Variants in FAM78B observed in about 807,000 individuals in gnomAD.
FAM78B encodes the protein protein FAM78B.
Under a neutral mutation model 20.0 loss-of-function variants are expected in FAM78B, and 10 were observed. The ratio of observed to expected loss-of-function variants is 0.50; its 90% confidence interval spans 0.31 to 0.85. FAM78B has a LOEUF of 0.85. Among genes scored for constraint, FAM78B ranks in the 40% least tolerant of loss-of-function variants. FAM78B has a pLI of 0.05. For synonymous variants in FAM78B, 135 were observed against 132.8 expected, an observed-to-expected ratio of 1.02 and a Z score of -0.12; for missense variants, 283 against 345.0, an observed-to-expected ratio of 0.82 and a Z score of 1.42.
chr1:166,146,141 A>C (rs1655443666), intron 1 of FAM78B, among the ~76,000 whole-genome samples: 1 of 152,232 alleles, frequency 6.6e-6, no homozygotes, highest in Admixed American at 6.5e-5. Flanking sequence ...TGAAAGGTCC[A>C]GAATCTTCCC....
chr1:166,093,805 G>C (rs955667352), intron 1 of FAM78B, among the ~76,000 whole-genome samples: 3 of 151,844 alleles, frequency 2.0e-5, no homozygotes, highest in Non-Finnish European at 2.9e-5. Context: ...TTGGGCTCTG[G>C]TGGTAAGGCA....
intron 1 of FAM78B, among the ~76,000 whole-genome samples, chr1:166,145,394 G>A (rs1199824723): frequency 6.6e-6 from 1 of 152,196 alleles, no homozygotes; most frequent in African/African-American, 2.4e-5. Flanking sequence ...GGTGCATTAG[G>A]GCATCCTGTA....
chr1:166,149,122 T>C (rs1655585104), intron 1 of FAM78B, among the ~76,000 whole-genome samples: 1 of 152,210 alleles, frequency 6.6e-6, no homozygotes, highest in Non-Finnish European at 1.5e-5. Context: ...CATGTGTCTT[T>C]ATAGCAGCAT....
chr1:166,140,930 AC>A (rs1655253232), intron 1 of FAM78B, among the ~76,000 whole-genome samples: 1 of 152,202 alleles, frequency 6.6e-6, no homozygotes, highest in African/African-American at 2.4e-5. Context: ...GCTCAGAGGA[AC>A]CTGGCAACTT....
rs1655258013 is a variant in FAM78B, at chr1:166,141,068, G to C, written c.263+24918C>G. Among the ~76,000 whole-genome samples the C allele has an allele frequency of 6.6e-5, 10 of 152,312 alleles. No homozygotes were observed. In the South Asian group the frequency reaches 2.1e-3, roughly 32 times the overall value. On this transcript the variant is annotated intron_variant, in intron 1 of 1. Coordinates refer to ENST00000354422, the MANE Select transcript of FAM78B (RefSeq NM_001017961.5). ...CAATTAGAGGGGCATTAATATATCAGAAATGCTCCCCTGACATTAAAGGCC... is the reference window on the plus strand; with the variant it reads ...CAATTAGAGGGGCATTAATATATCACAAATGCTCCCCTGACATTAAAGGCC...
At chr1:166,120,491 T>C (rs10918370) in intron 1 of FAM78B, among the ~76,000 whole-genome samples, 22,509 of 152,160 alleles carry the variant, frequency 0.15, 1,966 homozygotes, top group East Asian at 0.27. Context: ...CTGTATATCA[T>C]GTTGAAACGA....
At chr1:166,118,384 T>C (rs4147482) in intron 1 of FAM78B, among the ~76,000 whole-genome samples, 25,568 of 152,180 alleles carry the variant, frequency 0.17, 2,281 homozygotes, top group East Asian at 0.27. Flanking sequence ...ACCTATCTAA[T>C]GTATAGTTTC....
At chr1:166,120,037 C>G (rs1166568918) in intron 1 of FAM78B, among the ~76,000 whole-genome samples, 1 of 152,224 alleles carries the variant, frequency 6.6e-6, no homozygotes, top group Non-Finnish European at 1.5e-5. Flanking sequence ...ATAAAGTCAG[C>G]TCCTCACAGC....
At chr1:166,085,345 C>T (rs1430272749) in intron 1 of FAM78B, among the ~76,000 whole-genome samples, 1 of 152,186 alleles carries the variant, frequency 6.6e-6, no homozygotes, top group Non-Finnish European at 1.5e-5. Context: ...GCCACTGTAC[C>T]ATCCCTTCCC....
chr1:166,134,476 GA>G (rs1655000006), intron 1 of FAM78B, among the ~76,000 whole-genome samples: 1 of 151,954 alleles, frequency 6.6e-6, no homozygotes, highest in South Asian at 2.1e-4. Flanking sequence ...AGAGAGTTCT[GA>G]AGAAGTGGCC....
intron 1 of FAM78B, among the ~76,000 whole-genome samples, chr1:166,072,789 C>T (rs1652099683): frequency 6.6e-6 from 1 of 152,198 alleles, no homozygotes; most frequent in African/African-American, 2.4e-5. Context: ...TTGCTCTCCC[C>T]CGCTACACAC....
At chr1:166,149,659 C>T (rs9787101) in intron 1 of FAM78B, among the ~76,000 whole-genome samples, 31,686 of 152,212 alleles carry the variant, frequency 0.21, 3,918 homozygotes, top group South Asian at 0.39. Context: ...GAGTAACATA[C>T]ATGGAAGCAT....
At chr1:166,102,013 G>A (rs138962286) in intron 1 of FAM78B, among the ~76,000 whole-genome samples, 2,549 of 152,266 alleles carry the variant, frequency 0.017, 78 homozygotes, top group African/African-American at 0.058. Flanking sequence ...CTGAACTCTC[G>A]GCAGAAACTC....
At chr1:166,147,198 G>GA (rs1655485697) in intron 1 of FAM78B, among the ~76,000 whole-genome samples, 1 of 152,198 alleles carries the variant, frequency 6.6e-6, no homozygotes, top group African/African-American at 2.4e-5. Context: ...ACCAGGATAG[G>GA]AAAGGCTGGT....
intron 1 of FAM78B, among the ~76,000 whole-genome samples, chr1:166,086,206 T>A (rs1383546677): frequency 4.0e-5 from 6 of 151,800 alleles, no homozygotes; most frequent in Non-Finnish European, 8.8e-5. Flanking sequence ...CTTTGACCCC[T>A]CTTCCTGGTC....
At chr1:166,078,609 A>G (rs1028177516) in intron 1 of FAM78B, among the ~76,000 whole-genome samples, 1 of 152,226 alleles carries the variant, frequency 6.6e-6, no homozygotes, top group African/African-American at 2.4e-5. Context: ...CTCAGACCCA[A>G]CAAATTCTCC....
chr1:166,094,996 G>A (rs1488530184), intron 1 of FAM78B, among the ~76,000 whole-genome samples: 1 of 152,190 alleles, frequency 6.6e-6, no homozygotes, highest in African/African-American at 2.4e-5. Context: ...ACTTGTCTAA[G>A]GTGACCAAAT....
downstream of FAM78B, among the ~76,000 whole-genome samples, chr1:166,067,872 GTAATTTCTTT>G (rs1651860841): frequency 6.6e-6 from 1 of 152,092 alleles, no homozygotes; most frequent in African/African-American, 2.4e-5. Flanking sequence ...TGCTGTGGGG[GTAATTTCTTT>G]TAAAACTCTG....
intron 1 of FAM78B, among the ~76,000 whole-genome samples, chr1:166,146,047 G>A (rs151093388): frequency 1.5e-4 from 23 of 152,278 alleles, no homozygotes; most frequent in African/African-American, 5.3e-4. Context: ...CTACTGTGAG[G>A]AGCAAAAGAA....
Sources: allele counts gnomAD v4.1 joint callset (sites outside exome capture counted in the v4.1 genomes callset), GRCh38; gene constraint gnomAD v4.1.1; transcripts MANE v1.5; gene names NCBI Gene and HGNC (gene_info 2026-07-23, HGNC 2026-07-21).